The following CNKSR3 variants were observed in gnomAD, a reference collection of about 807,000 sequenced individuals.
The protein encoded by CNKSR3 is connector enhancer of kinase suppressor of ras 3.
CNKSR3 carries 36 observed loss-of-function variants against 67.7 expected under a neutral mutation model. The ratio of observed to expected loss-of-function variants is 0.53; its 90% confidence interval spans 0.41 to 0.70. The LOEUF is 0.70. Ranked by LOEUF, CNKSR3 falls within the 30% of genes least tolerant of loss-of-function variation. CNKSR3 has a pLI of 0.00. For synonymous variants in CNKSR3, 281 were observed against 271.4 expected (o/e 1.04, Z -0.35); for missense variants, 630 against 695.2 (o/e 0.91, Z 1.05).
intron 1 of CNKSR3, among the ~76,000 whole-genome samples, chr6:154,468,283 T>C (rs1447477968): frequency 6.6e-6 from 1 of 151,598 alleles, no homozygotes; most frequent in African/African-American, 2.4e-5. Context: ...TTTCATCATG[T>C]TGGCCAGGCT....
At chr6:154,501,145 T>C (rs1367684273) in intron 1 of CNKSR3, among the ~76,000 whole-genome samples, 2 of 152,112 alleles carry the variant, frequency 1.3e-5, no homozygotes, top group African/African-American at 4.8e-5. Flanking sequence ...CAACTTCAAA[T>C]ATAATGTTTA....
At chr6:154,457,271 T>G (rs967935289) in intron 1 of CNKSR3, among the ~76,000 whole-genome samples, 1 of 152,194 alleles carries the variant, frequency 6.6e-6, no homozygotes, top group Admixed American at 6.5e-5. Flanking sequence ...CCGAGTGCCC[T>G]TTCGTGAGAT....
At chr6:154,496,078 G>A (rs370018141) in intron 1 of CNKSR3, among the ~76,000 whole-genome samples, 18 of 152,232 alleles carry the variant, frequency 1.2e-4, no homozygotes, top group East Asian at 3.9e-4. Context: ...ACATGCGGCC[G>A]TCACTATACA....
chr6:154,420,012 G>A (rs1785106273), intron 9 of CNKSR3, among the ~76,000 whole-genome samples: 3 of 152,114 alleles, frequency 2.0e-5, no homozygotes, highest in Admixed American at 2.0e-4. Context: ...AACCTGGGAG[G>A]TGGAGGTTGC....
chr6:154,473,670 TGAAGTC>T, intron 1 of CNKSR3, among the ~76,000 whole-genome samples: 1 of 152,244 alleles, frequency 6.6e-6, no homozygotes, highest in African/African-American at 2.4e-5. Context: ...TAGAAGACAG[TGAAGTC>T]AGAGTGGGTC....
At chr6:154,422,743 T>C in intron 8 of CNKSR3, 91 bp from the exon 9 acceptor site, 1 of 1,422,460 alleles carries the variant, frequency 7.0e-7, no homozygotes, top group Non-Finnish European at 9.9e-7. Context: ...GTCAGGGTTG[T>C]GAGCAGATAC....
chr6:154,407,284 T>C (rs1187437665), intron 12 of CNKSR3, among the ~76,000 whole-genome samples: 1 of 152,234 alleles, frequency 6.6e-6, no homozygotes, highest in Non-Finnish European at 1.5e-5. Flanking sequence ...GCATTCAAGC[T>C]GGGCATTCAG....
intron 1 of CNKSR3, among the ~76,000 whole-genome samples, chr6:154,469,606 C>G (rs4143937): frequency 6.6e-6 from 1 of 152,020 alleles, no homozygotes; most frequent in African/African-American, 2.4e-5. Flanking sequence ...ATCACCAGTC[C>G]TATGTTCTTT....
intron 7 of CNKSR3, among the ~76,000 whole-genome samples, chr6:154,427,098 G>A (rs1301477484): frequency 6.6e-6 from 1 of 152,162 alleles, no homozygotes; most frequent in Non-Finnish European, 1.5e-5. Context: ...GCTCAACAGA[G>A]AATCCTGAAA....
In CNKSR3 at chr6:154,510,247, A is replaced by G. The variant is rs566648018; in HGVS notation, c.-133T>C. The G allele has an allele frequency of 2.0e-6, 2 of 989,072 alleles. No individual in the cohort carries two copies. The highest frequency in any genetic ancestry group is 3.1e-6 in the Non-Finnish European group (2 of 652,950). 61.3% of individuals were successfully genotyped at this position (989,072 alleles called of 1,614,324 possible). On this transcript the variant is annotated 5_prime_UTR_variant, in exon 1 of 13. The change abolishes an upstream ATG in the 5' untranslated region. Coordinates refer to ENST00000607772, the MANE Select transcript of CNKSR3 (RefSeq NM_173515.4). ...GCCCGAGCGACTCCGTCAAGACTGCATGGCCGCGGTCAGCCAGTCGTCCCA... is the reference window on the plus strand; with the variant it reads ...GCCCGAGCGACTCCGTCAAGACTGCGTGGCCGCGGTCAGCCAGTCGTCCCA...
chr6:154,392,878 G>A lies in CNKSR3; in HGVS notation c.*13476C>T, dbSNP rs1784623382. Reference sequence around the variant, plus strand: ...ACCAACTTCTAGAACACTTTGAAATGTTAGCATTGTCCTCTGAGGTAGTTA... The same window carrying A: ...ACCAACTTCTAGAACACTTTGAAATATTAGCATTGTCCTCTGAGGTAGTTA... On this transcript the variant is annotated 3_prime_UTR_variant, in exon 13 of 13. Transcript: ENST00000607772. The A allele has an allele frequency of 6.6e-6, 1 of 152,354 alleles. No homozygotes were observed. 9.4% of individuals were successfully genotyped at this position (152,354 alleles called of 1,614,324 possible). A position where few individuals can be genotyped will look rare whatever the true frequency, so the allele number is the denominator to read the frequency against.
rs191471607 is a variant in CNKSR3, at chr6:154,398,546, C to G, written c.*7808G>C. The G allele has an allele frequency of 2.6e-4, 40 of 152,250 alleles. No homozygotes were observed. Among genetic ancestry groups the G allele is most frequent in the Admixed American group, 2.6e-3 (40 of 15,288 alleles). 9.4% of individuals were successfully genotyped at this position (152,250 alleles called of 1,614,324 possible). Reference sequence around the variant, plus strand: ...GTATTTGTGTAAGAGTTCCTTTTCACGATGAGAATGTCCAAAATAGATACC... The same window carrying G: ...GTATTTGTGTAAGAGTTCCTTTTCAGGATGAGAATGTCCAAAATAGATACC... On this transcript the variant is annotated 3_prime_UTR_variant, in exon 13 of 13. Coordinates refer to ENST00000607772, the MANE Select transcript of CNKSR3 (RefSeq NM_173515.4).
At chr6:154,467,789 C>T (rs142284648) in intron 1 of CNKSR3, among the ~76,000 whole-genome samples, 1,606 of 151,954 alleles carry the variant, frequency 0.011, 15 homozygotes, top group Non-Finnish European at 0.017. Context: ...GATGGAGTCT[C>T]GCTCTTGTCG....
intron 1 of CNKSR3, among the ~76,000 whole-genome samples, chr6:154,486,683 G>A (rs984195981): frequency 2.0e-5 from 3 of 150,176 alleles, no homozygotes; most frequent in South Asian, 2.1e-4. Context: ...TAGTAGAGAC[G>A]GGGTTTCACT....
chr6:154,432,367 T>C (rs1044114526), intron 5 of CNKSR3, among the ~76,000 whole-genome samples: 1 of 152,240 alleles, frequency 6.6e-6, no homozygotes, highest in African/African-American at 2.4e-5. Flanking sequence ...TGTCTTCTTA[T>C]TCTTGTTTTT....
At chr6:154,429,710 T>G (rs761731645) in intron 6 of CNKSR3, among the ~76,000 whole-genome samples, 9 of 151,620 alleles carry the variant, frequency 5.9e-5, no homozygotes, top group Non-Finnish European at 1.2e-4. Flanking sequence ...ACTTTCCCCC[T>G]CCCCCGTCTC....
chr6:154,507,219 T>C (rs912745681), intron 1 of CNKSR3, among the ~76,000 whole-genome samples: 2 of 152,236 alleles, frequency 1.3e-5, no homozygotes, highest in African/African-American at 4.8e-5. Context: ...ACATTAATAA[T>C]AAAAGCCAGA....
intron 7 of CNKSR3, among the ~76,000 whole-genome samples, chr6:154,423,404 C>T (rs1372524846): frequency 6.6e-6 from 1 of 152,192 alleles, no homozygotes; most frequent in Admixed American, 6.5e-5. Context: ...GCTGAGATTA[C>T]AGGTGGCTGC....
chr6:154,481,377 C>T (rs1786564283), intron 1 of CNKSR3, among the ~76,000 whole-genome samples: 1 of 151,326 alleles, frequency 6.6e-6, no homozygotes, highest in Non-Finnish European at 1.5e-5. Context: ...ATTTATTTTG[C>T]TTATGTATTT....
Sources: gnomAD v4.1 joint callset for allele counts (sites outside exome capture counted in the v4.1 genomes callset) on GRCh38, gnomAD v4.1.1 for gene constraint, MANE v1.5 for transcripts, NCBI Gene and HGNC (gene_info 2026-07-23, HGNC 2026-07-21) for gene names.